PUDP: variants seen among roughly 807,000 people sequenced by gnomAD.
PUDP encodes the protein pseudouridine-5'-phosphatase.
Under a neutral mutation model 9.4 loss-of-function variants are expected in PUDP, and 8 were observed. The ratio of observed to expected loss-of-function variants is 0.85; its 90% CI spans 0.50 to 1.53. PUDP has a LOEUF of 1.53. Among genes scored for constraint, PUDP ranks in the 40% most tolerant of loss-of-function variants. The pLI, the probability that PUDP is intolerant of heterozygous loss-of-function variation, is 0.00. For synonymous variants in PUDP, 99 were observed against 80.7 expected, an observed-to-expected ratio of 1.23 and a Z score of -1.22; for missense variants, 188 against 189.7, an observed-to-expected ratio of 0.99 and a Z score of 0.05.
At chrX:6,746,687 G>A (rs765378047) in intron 3 of PUDP, among the ~76,000 whole-genome samples, 3 of 110,527 alleles carry the variant, frequency 2.7e-5, no homozygotes, top group South Asian at 7.8e-4. Context: ...CTGTTCCTCC[G>A]TTAGTTTGCT....
chrX:7,129,749 C>CTTTTA (rs1436639836), intron 1 of PUDP, among the ~76,000 whole-genome samples: 1 of 111,631 alleles, frequency 9.0e-6, no homozygotes, highest in Non-Finnish European at 1.9e-5. Context: ...AAACACTGAC[C>CTTTTA]TTTTAAAGAT....
At chrX:6,875,772 G>A (rs1049381550) in intron 3 of PUDP, among the ~76,000 whole-genome samples, 6 of 111,908 alleles carry the variant, frequency 5.4e-5, no homozygotes, top group African/African-American at 1.9e-4. Context: ...CCAGGAAACG[G>A]CATTGTTGGC....
At chrX:6,972,171 C>T (rs1167538641) in intron 3 of PUDP, among the ~76,000 whole-genome samples, 2 of 111,364 alleles carry the variant, frequency 1.8e-5, no homozygotes, top group African/African-American at 6.5e-5. Flanking sequence ...AGACAATTGA[C>T]CTCTCTTCCT....
At chrX:7,120,104 G>A (rs1413094662) in intron 1 of PUDP, among the ~76,000 whole-genome samples, 1 of 90,988 alleles carries the variant, frequency 1.1e-5, no homozygotes, top group African/African-American at 4.2e-5. Context: ...TCCAGAATAC[G>A]TAAGGAACTG....
chrX:7,145,944 T>C (rs1457585748), intron 1 of PUDP, among the ~76,000 whole-genome samples: 2 of 112,356 alleles, frequency 1.8e-5, no homozygotes, highest in African/African-American at 6.5e-5. Context: ...AGTGAGGTGC[T>C]AAAGAATGAC....
At chrX:6,774,984 C>A (rs918796408) in intron 3 of PUDP, among the ~76,000 whole-genome samples, 1 of 112,075 alleles carries the variant, frequency 8.9e-6, no homozygotes, top group Admixed American at 9.5e-5. Flanking sequence ...ACATAACATT[C>A]AATTAACTGT....
Position 7,104,913 on chromosome X carries a change from T to C in PUDP, c.280+707A>G, listed in dbSNP as rs750638244. 7.1e-5 allele frequency among the ~76,000 whole-genome samples: 8 copies of C among 112,219 alleles called. No homozygotes were observed. In the South Asian group the frequency reaches 2.6e-3, roughly 36 times the overall value. On this transcript the variant is annotated intron_variant, in intron 2 of 3. Coordinates refer to ENST00000381077, the MANE Select transcript of PUDP (RefSeq NM_012080.5). The stretch of plus-strand genomic sequence containing the variant: ...TTACTCACATAACTGCTGTTTTTTT[T>C]CTCCCCTAGCACCAGGAATTCTAAA...
At chrX:6,854,071 G>A (rs771221522) in intron 3 of PUDP, among the ~76,000 whole-genome samples, 11 of 111,982 alleles carry the variant, frequency 9.8e-5, no homozygotes, top group Non-Finnish European at 1.9e-4. Flanking sequence ...GTCTTACAGA[G>A]CATGTTTTTG....
chrX:6,874,455 A>C (rs750522439), intron 3 of PUDP, among the ~76,000 whole-genome samples: 49 of 112,696 alleles, frequency 4.3e-4, no homozygotes, highest in African/African-American at 1.5e-3. Context: ...ATAGAGATGT[A>C]AACATTTTGA....
At chrX:7,018,021 C>T (rs780518316) in intron 1 of PUDP, among the ~76,000 whole-genome samples, 128 of 111,674 alleles carry the variant, frequency 1.1e-3, no homozygotes, top group Non-Finnish European at 1.3e-3. Context: ...CTCCCACCAG[C>T]GCCATGACAG....
intron 3 of PUDP, among the ~76,000 whole-genome samples, chrX:6,729,671 C>T (rs1924785891): frequency 9.0e-6 from 1 of 111,517 alleles, no homozygotes; most frequent in African/African-American, 3.3e-5. Context: ...TACACACACA[C>T]TCCTTTTTCC....
At chrX:6,857,596 TATA>T (rs1301250382) in intron 3 of PUDP, among the ~76,000 whole-genome samples, 1 of 111,062 alleles carries the variant, frequency 9.0e-6, no homozygotes, top group Non-Finnish European at 1.9e-5. Context: ...ACCATACCTG[TATA>T]ATATTTTTAT....
intron 1 of PUDP, among the ~76,000 whole-genome samples, chrX:7,015,360 A>AG (rs1278929229): frequency 9.0e-6 from 1 of 111,559 alleles, no homozygotes; most frequent in Non-Finnish European, 1.9e-5. Flanking sequence ...GTGGAAACCC[A>AG]GCCAGGCCTG....
chrX:7,048,798 T>C (rs1930019429), downstream of PUDP: 1 of 112,451 alleles, frequency 8.9e-6, no homozygotes, highest in Non-Finnish European at 1.9e-5. Context: ...TAAATATCCG[T>C]TTACAGTTGG....
intron 3 of PUDP, among the ~76,000 whole-genome samples, chrX:6,917,108 T>C (rs1927947499): frequency 8.9e-6 from 1 of 112,201 alleles, no homozygotes; most frequent in Non-Finnish European, 1.9e-5. Context: ...TTCATGCTTA[T>C]AATCCTAGCA....
intron 3 of PUDP, among the ~76,000 whole-genome samples, chrX:6,848,361 G>C (rs1161900824): frequency 8.9e-6 from 1 of 112,195 alleles, no homozygotes; most frequent in Non-Finnish European, 1.9e-5. Context: ...CAGGCAACTA[G>C]TAATTTGAAA....
chrX:7,076,098 T>C (rs962886606), intron 3 of PUDP, among the ~76,000 whole-genome samples: 5 of 111,628 alleles, frequency 4.5e-5, no homozygotes, highest in Non-Finnish European at 9.4e-5. Context: ...GCTGCCTCTA[T>C]AGGCTCAAGG....
intron 1 of PUDP, among the ~76,000 whole-genome samples, chrX:7,128,018 C>T (rs1240277852): frequency 8.9e-6 from 1 of 111,766 alleles, no homozygotes; most frequent in Non-Finnish European, 1.9e-5. Flanking sequence ...GTTATGGCCT[C>T]TGAACAGTGA....
At chrX:6,729,994 T>C (rs1372499439) in intron 3 of PUDP, among the ~76,000 whole-genome samples, 2 of 112,292 alleles carry the variant, frequency 1.8e-5, no homozygotes, top group African/African-American at 6.5e-5. Flanking sequence ...TGTGCTCTCA[T>C]GGTGACTGGC....
Sources: allele counts gnomAD v4.1 joint callset (sites outside exome capture counted in the v4.1 genomes callset), GRCh38; gene constraint gnomAD v4.1.1; transcripts MANE v1.5; gene names NCBI Gene and HGNC (gene_info 2026-07-23, HGNC 2026-07-21).